MACROD2: variants seen among roughly 807,000 people sequenced by gnomAD.
The protein encoded by MACROD2 is mono-ADP ribosylhydrolase 2, also known as ADP-ribose glycohydrolase MACROD2.
MACROD2 carries 36 observed loss-of-function variants against 70.4 expected under a neutral mutation model. The observed-to-expected ratio is 0.51, with a 90% CI of 0.39 to 0.68. The LOEUF (loss-of-function observed/expected upper bound fraction) is 0.68. MACROD2 is among the 30% of genes least tolerant of loss of function. The pLI is 0.00. For missense variants in MACROD2, 496 were observed against 538.4 expected, an observed-to-expected ratio of 0.92 and a Z score of 0.78; for synonymous variants, 172 against 178.8, an observed-to-expected ratio of 0.96 and a Z score of 0.30.
intron 5 of MACROD2, among the ~76,000 whole-genome samples, chr20:14,790,265 T>TA (rs1439801771): frequency 3.5e-5 from 5 of 143,032 alleles, no homozygotes; most frequent in Non-Finnish European, 7.7e-5. Flanking sequence ...TTTGGTTCAT[T>TA]TAAAAAAAAA....
intron 6 of MACROD2, among the ~76,000 whole-genome samples, chr20:15,232,455 T>C (rs947550540): frequency 6.6e-6 from 1 of 152,034 alleles, no homozygotes; most frequent in Non-Finnish European, 1.5e-5. Flanking sequence ...ACAAGTAATG[T>C]CAACATTTTG....
intron 5 of MACROD2, among the ~76,000 whole-genome samples, chr20:14,930,363 T>C (rs1034333888): frequency 6.6e-6 from 1 of 152,182 alleles, no homozygotes; most frequent in Non-Finnish European, 1.5e-5. Flanking sequence ...ACAGTTGAGT[T>C]CTTACATAAG....
chr20:14,943,577 T>C (rs2122713328), intron 5 of MACROD2, among the ~76,000 whole-genome samples: 1 of 152,310 alleles, frequency 6.6e-6, no homozygotes, highest in South Asian at 2.1e-4. Flanking sequence ...AGTTTTAATT[T>C]CTGCTTTTTA....
chr20:15,276,679 A>T (rs920682761), intron 6 of MACROD2, among the ~76,000 whole-genome samples: 4 of 152,190 alleles, frequency 2.6e-5, no homozygotes, highest in Non-Finnish European at 2.9e-5. Flanking sequence ...AGTATAAATC[A>T]AATATAATTA....
chr20:15,291,822 G>C (rs1459013711), intron 6 of MACROD2, among the ~76,000 whole-genome samples: 2 of 152,028 alleles, frequency 1.3e-5, no homozygotes, highest in Admixed American at 1.3e-4. Flanking sequence ...CCAAAAATAA[G>C]AGCATAGTAG....
intron 5 of MACROD2, among the ~76,000 whole-genome samples, chr20:15,147,322 G>A (rs1487161791): frequency 6.6e-6 from 1 of 152,066 alleles, no homozygotes; most frequent in Non-Finnish European, 1.5e-5. Context: ...TTGATTGAAA[G>A]TTCAGATTTT....
At chr20:14,961,085 T>C (rs796647653) in intron 5 of MACROD2, among the ~76,000 whole-genome samples, 90 of 152,310 alleles carry the variant, frequency 5.9e-4, no homozygotes, top group African/African-American at 1.8e-3. Context: ...TGCTATGATG[T>C]AGCTTATTCT....
intron 6 of MACROD2, among the ~76,000 whole-genome samples, chr20:15,267,052 G>A (rs140870723): frequency 2.0e-5 from 3 of 152,336 alleles, no homozygotes; most frequent in Non-Finnish European, 4.4e-5. Context: ...ATGTGCAAGA[G>A]GGGATGGGCA....
rs570654033 is a variant in MACROD2, at chr20:14,251,691, A to G, written c.271+165963A>G. Among the ~76,000 whole-genome samples the G allele has an allele frequency of 5.9e-5, 9 of 152,236 alleles. No individual in the cohort carries two copies. In the South Asian group the frequency reaches 1.5e-3, roughly 25 times the overall value. ...AAAACAATTATTTAAGCAAGTGGAA[A>G]ATAGACAATGAGGAAAATGGTGCTT... On this transcript the variant is annotated intron_variant, in intron 3 of 17. Transcript: ENST00000684519.
intron 3 of MACROD2, among the ~76,000 whole-genome samples, chr20:14,264,721 T>C (rs2082129372): frequency 6.6e-6 from 1 of 152,138 alleles, no homozygotes; most frequent in Non-Finnish European, 1.5e-5. Flanking sequence ...AATTTCCTTA[T>C]GAGAAGGCCA....
intron 4 of MACROD2, among the ~76,000 whole-genome samples, chr20:14,500,188 G>A (rs1433302495): frequency 6.6e-6 from 1 of 152,160 alleles, no homozygotes; most frequent in African/African-American, 2.4e-5. Context: ...TCCAGGTCTT[G>A]GTTAAGCTGT....
At chr20:15,151,385 T>C (rs1235838096) in intron 5 of MACROD2, among the ~76,000 whole-genome samples, 1 of 151,938 alleles carries the variant, frequency 6.6e-6, no homozygotes, top group Non-Finnish European at 1.5e-5. Flanking sequence ...GTGGCTGGGG[T>C]TTGTCTCACA....
intron 8 of MACROD2, among the ~76,000 whole-genome samples, chr20:15,528,504 A>G (rs2047752171): frequency 6.6e-6 from 1 of 152,156 alleles, no homozygotes; most frequent in Non-Finnish European, 1.5e-5. Context: ...CTTACCACAA[A>G]GGATTATCTG....
intron 7 of MACROD2, among the ~76,000 whole-genome samples, chr20:15,438,131 G>C (rs932371440): frequency 6.6e-6 from 1 of 151,632 alleles, no homozygotes; most frequent in Non-Finnish European, 1.5e-5. Context: ...CTCCAGCCTG[G>C]GCAAGAAGAA....
At chr20:14,735,156 A>T (rs1286993068) in intron 5 of MACROD2, among the ~76,000 whole-genome samples, 3 of 152,228 alleles carry the variant, frequency 2.0e-5, no homozygotes, top group Admixed American at 1.3e-4. Flanking sequence ...AAACAAAAAA[A>T]GCCCTTTTGT....
chr20:14,099,359 T>G (rs2054268911), intron 3 of MACROD2, among the ~76,000 whole-genome samples: 1 of 152,132 alleles, frequency 6.6e-6, no homozygotes, highest in Non-Finnish European at 1.5e-5. Context: ...GTGAAGTGTA[T>G]TTACTATCTT....
At chr20:14,516,384 T>C (rs2123163185) in intron 4 of MACROD2, among the ~76,000 whole-genome samples, 1 of 152,180 alleles carries the variant, frequency 6.6e-6, no homozygotes, top group Non-Finnish European at 1.5e-5. Flanking sequence ...CCCATGCCTG[T>C]GTCCTGAATG....
intron 3 of MACROD2, among the ~76,000 whole-genome samples, chr20:14,401,869 G>A (rs187141865): frequency 1.3e-5 from 2 of 152,118 alleles, no homozygotes; most frequent in East Asian, 3.9e-4. Context: ...TACTGATCTT[G>A]TATGGGAGAG....
At chr20:14,986,683 A>G (rs1006113893) in intron 5 of MACROD2, among the ~76,000 whole-genome samples, 1 of 152,172 alleles carries the variant, frequency 6.6e-6, no homozygotes, top group Non-Finnish European at 1.5e-5. Flanking sequence ...CATAAACATA[A>G]ATCAGCTAAA....
Sources: gnomAD v4.1 joint callset for allele counts (sites outside exome capture counted in the v4.1 genomes callset) on GRCh38, gnomAD v4.1.1 for gene constraint, MANE v1.5 for transcripts, NCBI Gene and HGNC (gene_info 2026-07-23, HGNC 2026-07-21) for gene names.